The following SORCS2 variants were observed in gnomAD, a reference collection of about 807,000 sequenced individuals.
SORCS2 encodes sortilin related VPS10 domain containing receptor 2.
A neutral mutation model predicts 141.6 loss-of-function variants in SORCS2; 100 were observed. The ratio of observed to expected loss-of-function variants is 0.71; its 90% confidence interval spans 0.60 to 0.83. The LOEUF is 0.83. SORCS2 is among the 40% of genes least tolerant of loss of function. SORCS2 has a pLI of 0.00. For missense variants in SORCS2, 1,646 were observed against 1,560.2 expected (o/e 1.05, Z -0.93); for synonymous variants, 789 against 676.9 (o/e 1.17, Z -2.57).
At chr4:7,401,402 GT>G (rs1268550529) in intron 2 of SORCS2, among the ~76,000 whole-genome samples, 3 of 152,194 alleles carry the variant, frequency 2.0e-5, no homozygotes, top group African/African-American at 7.2e-5. Context: ...TGGTGATGTG[GT>G]TTTTGGGAAA....
chr4:7,304,115 G>A (rs553699714), intron 1 of SORCS2, among the ~76,000 whole-genome samples: 28 of 152,368 alleles, frequency 1.8e-4, no homozygotes, highest in African/African-American at 6.5e-4. Flanking sequence ...TATGTGCCAG[G>A]CATGTGTGGT....
Position 7,463,821 on chromosome 4 carries a change from G to A in SORCS2, c.548+67466G>A, listed in dbSNP as rs113764809. On this transcript the variant is annotated intron_variant, in intron 2 of 26. Transcript: ENST00000507866. ...CCCTGCGCCGCCTACATACTGATGCGTGCCGGACTGGTGTGGAATTGGTTT... is the reference window on the plus strand; with the variant it reads ...CCCTGCGCCGCCTACATACTGATGCATGCCGGACTGGTGTGGAATTGGTTT... Among the ~76,000 whole-genome samples, 335 of 152,242 alleles carry A rather than the reference G, an allele frequency of 2.2e-3. 4 individuals are homozygous for A. Among genetic ancestry groups the A allele is most frequent in the African/African-American group, 7.8e-3 (322 of 41,536 alleles).
intron 3 of SORCS2, among the ~76,000 whole-genome samples, chr4:7,535,913 G>T (rs2109562077): frequency 6.6e-6 from 1 of 152,354 alleles, no homozygotes; most frequent in South Asian, 2.1e-4. Context: ...CCACACCTCT[G>T]TGTTTAGAGA....
chr4:7,514,823 G>A (rs1732876450), intron 2 of SORCS2, among the ~76,000 whole-genome samples: 2 of 152,148 alleles, frequency 1.3e-5, no homozygotes, highest in Non-Finnish European at 2.9e-5. Context: ...CTCCAGAGGT[G>A]AGGCTGTATG....
In SORCS2 at chr4:7,697,227, AAAG is replaced by A. The variant is rs774623015; in HGVS notation, c.1627_1629del (p.Glu543del). 11 of 1,590,834 alleles carry A rather than the reference AAAG, an allele frequency of 6.9e-6. No homozygotes were observed. The highest frequency in any genetic ancestry group is 9.4e-6 in the Non-Finnish European group (11 of 1,168,830). On this transcript the variant is annotated inframe_deletion, in exon 12 of 27. Transcript: ENST00000507866. ...CCTGGGCTCACAGCTGGTGGAATATAAAGAAGAAATGTACATCACGTCAGACTG... is the reference window on the plus strand; with the variant it reads ...CCTGGGCTCACAGCTGGTGGAATATAAAGAAATGTACATCACGTCAGACTG...
At chr4:7,202,185 C>T (rs1379614553) in intron 1 of SORCS2, among the ~76,000 whole-genome samples, 1 of 152,200 alleles carries the variant, frequency 6.6e-6, no homozygotes, top group East Asian at 1.9e-4. Flanking sequence ...TTGCTCACTG[C>T]TGATTGATAT....
chr4:7,620,278 G>A (rs555051095), intron 3 of SORCS2, among the ~76,000 whole-genome samples: 14 of 152,316 alleles, frequency 9.2e-5, no homozygotes, highest in African/African-American at 3.4e-4. Flanking sequence ...GGGCTTTGTT[G>A]GGAACAAGGC....
chr4:7,264,635 T>C (rs966298301), intron 1 of SORCS2, among the ~76,000 whole-genome samples: 7 of 152,226 alleles, frequency 4.6e-5, no homozygotes, highest in African/African-American at 9.6e-5. Flanking sequence ...GGTGCTGTTC[T>C]TCTCCTGTGA....
chr4:7,587,368 C>T (rs151247390), intron 3 of SORCS2, among the ~76,000 whole-genome samples: 28 of 152,322 alleles, frequency 1.8e-4, no homozygotes, highest in East Asian at 3.9e-4. Context: ...GTAGTGCCTA[C>T]GTGGCCATGT....
At chr4:7,485,965 A>T (rs1316769269) in intron 2 of SORCS2, among the ~76,000 whole-genome samples, 2 of 152,006 alleles carry the variant, frequency 1.3e-5, no homozygotes, top group Non-Finnish European at 2.9e-5. Context: ...GGCTGGGGGC[A>T]CCCCATGCCT....
At chr4:7,616,969 C>G (rs1718803441) in intron 3 of SORCS2, among the ~76,000 whole-genome samples, 1 of 152,200 alleles carries the variant, frequency 6.6e-6, no homozygotes, top group Non-Finnish European at 1.5e-5. Context: ...CCCTTTTGAG[C>G]TTTGCAGGGC....
At chr4:7,428,575 G>C (rs1307801971) in intron 2 of SORCS2, among the ~76,000 whole-genome samples, 1 of 152,192 alleles carries the variant, frequency 6.6e-6, no homozygotes, top group Non-Finnish European at 1.5e-5. Context: ...GGGGCCGGAG[G>C]TGATGCTGGG....
At chr4:7,709,673 C>T (rs1272605055) in intron 14 of SORCS2, among the ~76,000 whole-genome samples, 2 of 152,210 alleles carry the variant, frequency 1.3e-5, no homozygotes, top group African/African-American at 4.8e-5. Flanking sequence ...GTTCCCACAG[C>T]CACAGGCTCA....
chr4:7,660,004 T>C (rs1158072), intron 5 of SORCS2, among the ~76,000 whole-genome samples: 15,189 of 152,180 alleles, frequency 0.1, 1,445 homozygotes, highest in African/African-American at 0.25. Context: ...GGTTTCCTCG[T>C]CTGTAAAATG....
intron 14 of SORCS2, among the ~76,000 whole-genome samples, chr4:7,710,686 G>A (rs1577103645): frequency 1.3e-5 from 2 of 152,206 alleles, no homozygotes; most frequent in East Asian, 3.9e-4. Flanking sequence ...CCAATCACGG[G>A]TGCCCTGGAG....
intron 3 of SORCS2, among the ~76,000 whole-genome samples, chr4:7,632,509 C>G (rs1166851389): frequency 6.6e-6 from 1 of 152,208 alleles, no homozygotes; most frequent in Non-Finnish European, 1.5e-5. Flanking sequence ...CTGGCTCACT[C>G]TCCCAACTCG....
chr4:7,604,546 G>A (rs553146511), intron 3 of SORCS2, among the ~76,000 whole-genome samples: 9 of 152,264 alleles, frequency 5.9e-5, no homozygotes, highest in South Asian at 2.1e-4. Context: ...CTCCATCCCC[G>A]CCTCGGCCTC....
intron 18 of SORCS2, 32 bp from the exon 19 acceptor site, chr4:7,723,665 C>T (rs1350628251): frequency 3.7e-6 from 6 of 1,612,318 alleles, no homozygotes; most frequent in Admixed American, 1.7e-5. Flanking sequence ...TCAAGGCCCA[C>T]TCCTGAGTGG....
chr4:7,660,108 A>C (rs769703621), intron 5 of SORCS2, among the ~76,000 whole-genome samples: 1 of 152,188 alleles, frequency 6.6e-6, no homozygotes, highest in Non-Finnish European at 1.5e-5. Context: ...CCTGCCACCA[A>C]ATGGAGGTAT....
Sources: allele counts gnomAD v4.1 joint callset (sites outside exome capture counted in the v4.1 genomes callset), GRCh38; gene constraint gnomAD v4.1.1; transcripts MANE v1.5; gene names NCBI Gene and HGNC (gene_info 2026-07-23, HGNC 2026-07-21).